AFG2B: variants seen among roughly 807,000 people sequenced by gnomAD.
AFG2B encodes the protein ATPase family gene 2 protein homolog B.
At chr15:45,415,548 A>G in the AFG2B span, 10 of 1,514,058 alleles carry the variant, frequency 6.6e-6, no homozygotes, top group South Asian at 1.1e-5. Flanking sequence ...TGACTAATGT[A>G]TAACATATAG....
chr15:45,409,374 C>CA, the AFG2B span, among the ~76,000 whole-genome samples: 447 of 83,362 alleles, frequency 5.4e-3, no homozygotes, highest in Admixed American at 9.4e-3. Flanking sequence ...GAGACCCCGC[C>CA]AAAAAAAAAA....
the AFG2B span, chr15:45,403,326 C>T: frequency 2.5e-6 from 4 of 1,602,112 alleles, no homozygotes; most frequent in Non-Finnish European, 3.4e-6. Context: ...GACCCAGCCT[C>T]CTCTTCCTGG....
chr15:45,403,019 A>C, the AFG2B span: 1 of 1,582,540 alleles, frequency 6.3e-7, no homozygotes, highest in East Asian at 2.3e-5. Flanking sequence ...GCCCAGCCGC[A>C]GCCCGAGGTG....
the AFG2B span, chr15:45,405,269 AT>A: frequency 5.9e-6 from 9 of 1,524,944 alleles, no homozygotes; most frequent in East Asian, 9.4e-5. Flanking sequence ...AAAATAATAT[AT>A]TTTAAACTAT....
the AFG2B span, among the ~76,000 whole-genome samples, chr15:45,407,404 G>T: frequency 6.6e-6 from 1 of 152,210 alleles, no homozygotes; most frequent in Non-Finnish European, 1.5e-5. Flanking sequence ...GAATGTATAA[G>T]CCCAAAGAAT....
the AFG2B span, among the ~76,000 whole-genome samples, chr15:45,414,188 C>T: frequency 6.6e-6 from 1 of 152,158 alleles, no homozygotes; most frequent in African/African-American, 2.4e-5. Flanking sequence ...TTGACACCTG[C>T]GCTGAGACCT....
At chr15:45,421,016 T>G in the AFG2B span, 3 of 1,596,104 alleles carry the variant, frequency 1.9e-6, no homozygotes, top group Non-Finnish European at 1.7e-6. Context: ...CAAAAGAAAT[T>G]GTTTTCTATT....
chr15:45,405,172 C>T, the AFG2B span: 1 of 664,752 alleles, frequency 1.5e-6, no homozygotes, highest in Non-Finnish European at 2.4e-6. Flanking sequence ...CATGAGCCAA[C>T]CTGTCTTCAT....
the AFG2B span, chr15:45,417,483 C>A: frequency 1.4e-6 from 2 of 1,453,338 alleles, no homozygotes; most frequent in African/African-American, 1.4e-5. Flanking sequence ...GTTCTACTTA[C>A]CCTGGGTTCC....
At chr15:45,414,569 A>G in the AFG2B span, 3 of 1,613,830 alleles carry the variant, frequency 1.9e-6, no homozygotes, top group Non-Finnish European at 1.7e-6. Flanking sequence ...GTGTACTTTC[A>G]GAGCATTGAG....
At chr15:45,421,321 A>G in the AFG2B span, 1 of 748,018 alleles carries the variant, frequency 1.3e-6, no homozygotes, top group Non-Finnish European at 2.0e-6. Context: ...AAGTGAATAA[A>G]TAAAACAAAA....
At chr15:45,404,877 GTAAT>G in the AFG2B span, among the ~76,000 whole-genome samples, 1 of 150,576 alleles carries the variant, frequency 6.6e-6, no homozygotes, top group Admixed American at 6.6e-5. Flanking sequence ...TTTTTTGGAA[GTAAT>G]TCTTTTTTAA....
the AFG2B span, among the ~76,000 whole-genome samples, chr15:45,409,879 T>C: frequency 6.6e-6 from 1 of 152,054 alleles, no homozygotes; most frequent in South Asian, 2.1e-4. Flanking sequence ...AATAAACAAA[T>C]ACTTGAACAT....
the AFG2B span, among the ~76,000 whole-genome samples, chr15:45,418,215 G>A: frequency 4.0e-5 from 6 of 151,864 alleles, no homozygotes; most frequent in African/African-American, 1.4e-4. Context: ...GTGGTGGCAG[G>A]CGCCTGTAAT....
chr15:45,402,591 C>A, the AFG2B span: 1 of 1,569,256 alleles, frequency 6.4e-7, no homozygotes. Flanking sequence ...TACCCGACGG[C>A]GGCTCCTGCC....
the AFG2B span, among the ~76,000 whole-genome samples, chr15:45,408,129 G>A: frequency 6.6e-6 from 1 of 152,174 alleles, no homozygotes; most frequent in Admixed American, 6.6e-5. Flanking sequence ...GGGTAATGGG[G>A]TATGAACAGG....
At chr15:45,420,430 T>A in the AFG2B span, among the ~76,000 whole-genome samples, 1 of 152,180 alleles carries the variant, frequency 6.6e-6, no homozygotes, top group Admixed American at 6.6e-5. Flanking sequence ...CTTCCCTACT[T>A]AACGATCAGG....
the AFG2B span, chr15:45,417,174 C>T: frequency 4.2e-6 from 6 of 1,436,892 alleles, no homozygotes; most frequent in Non-Finnish European, 5.7e-6. Context: ...AAAGGATATC[C>T]CTATTTGAAT....
chr15:45,416,770 G>T, the AFG2B span: 2 of 152,988 alleles, frequency 1.3e-5, no homozygotes, highest in Non-Finnish European at 2.9e-5. Context: ...TCTGCTTTTA[G>T]ACATTTCTTT....
Sources: allele counts gnomAD v4.1 joint callset (sites outside exome capture counted in the v4.1 genomes callset), GRCh38; gene constraint gnomAD v4.1.1; transcripts MANE v1.5; gene names NCBI Gene and HGNC (gene_info 2026-07-23, HGNC 2026-07-21).